The following GBF1 variants were observed in gnomAD, a reference collection of about 807,000 sequenced individuals.
GBF1 encodes the protein golgi brefeldin A resistant guanine nucleotide exchange factor 1.
Under a neutral mutation model 210.5 loss-of-function variants are expected in GBF1, and 114 were observed. The observed-to-expected ratio is 0.54, with a 90% CI of 0.47 to 0.63. The LOEUF is 0.63. GBF1 is among the 30% of genes least tolerant of loss of function. The pLI, the probability that GBF1 is intolerant of heterozygous loss-of-function variation, is 0.00. For missense variants in GBF1, 1,851 were observed against 2,357.7 expected (o/e 0.79, Z 4.45); for synonymous variants, 850 against 889.2 (o/e 0.96, Z 0.78).
Position 102,370,392 on chromosome 10 carries a change from C to A in GBF1, c.3420C>A (p.Val1140=). The A allele has an allele frequency of 6.2e-7, 1 of 1,604,406 alleles. No individual in the cohort carries two copies. Among genetic ancestry groups the A allele is most frequent in the South Asian group, 1.1e-5 (1 of 90,878 alleles). Residue 1140 remains valine (V), a synonymous_variant, in exon 28 of 40, where the codon GTC becomes GTA. Transcript: ENST00000369983. ...CTGCTGTTCCCCTTCAGGCTCTGGTCTCAGTGACACCAGATGAAGAGACAT... is the reference window on the plus strand; with the variant it reads ...CTGCTGTTCCCCTTCAGGCTCTGGTATCAGTGACACCAGATGAAGAGACAT... ...ESLQELMKAL[V]SVTPDEETYD... is the part of the protein sequence containing the mutation.
the GBF1 span, chr10:102,230,763 C>T: frequency 6.7e-7 from 1 of 1,496,876 alleles, no homozygotes; most frequent in South Asian, 1.3e-5. Context: ...CGGGGGGGCC[C>T]CCGCCCAGGC....
rs543445446 is a variant in GBF1 at position 102,295,845 on chromosome 10, C to T, written c.163+35729C>T. Among the ~76,000 whole-genome samples the T allele has an allele frequency of 5.9e-4, 89 of 152,132 alleles. 1 individual carries two copies. The highest frequency in any genetic ancestry group is 2.1e-3 in the African/African-American group (87 of 41,484). ...TAGCTATACTGATTAAGGGTTGTCACCAGAACCTTACTAGTATATTCCATT... is the reference window on the plus strand; with the variant it reads ...TAGCTATACTGATTAAGGGTTGTCATCAGAACCTTACTAGTATATTCCATT... On this transcript the variant is annotated intron_variant, in intron 3 of 39. Coordinates refer to ENST00000369983, the MANE Select transcript of GBF1 (RefSeq NM_001377137.1).
intron 3 of GBF1, among the ~76,000 whole-genome samples, chr10:102,311,942 G>A (rs908568420): frequency 6.6e-6 from 1 of 152,094 alleles, no homozygotes; most frequent in Non-Finnish European, 1.5e-5. Context: ...GCTTGAGTAG[G>A]CCCCACTTTT....
chr10:102,245,627 T>C lies in GBF1; in HGVS notation c.-165T>C, dbSNP rs2070734239. 1 of 152,234 alleles carries C rather than the reference T, an allele frequency of 6.6e-6. No individual in the cohort carries two copies. Among genetic ancestry groups the C allele is most frequent in the Non-Finnish European group, 1.5e-5 (1 of 68,088 alleles). The allele number at this position is 152,234 out of a possible 1,614,324, so 9.4% of individuals were successfully genotyped here. ...CGGACTGTGCAGTCCCACCCTGACT[T>C]CGGCCTCAATTTCCAGGAAACAGGC... On this transcript the variant is annotated 5_prime_UTR_variant, in exon 1 of 40. Transcript: ENST00000369983.
At chr10:102,287,496 A>T (rs1006695177) in intron 3 of GBF1, among the ~76,000 whole-genome samples, 1 of 151,748 alleles carries the variant, frequency 6.6e-6, no homozygotes, top group African/African-American at 2.4e-5. Flanking sequence ...TCTATTTCAC[A>T]CAATTTCTAA....
chr10:102,370,374 TC>T lies in GBF1; in HGVS notation c.3412-6del, dbSNP rs748895686. The T allele has an allele frequency of 1.3e-4, 202 of 1,594,552 alleles. 2 individuals carry two copies. The South Asian group carries it at 2.1e-3, about 17-fold the overall frequency. On this transcript the variant is annotated splice_polypyrimidine_tract_variant and intron_variant, in intron 27 of 39. Coordinates refer to ENST00000369983, the MANE Select transcript of GBF1 (RefSeq NM_001377137.1). Reference sequence around the variant, plus strand: ...TCCATGCCTACTTTCCTGCTGCTGTTCCCCTTCAGGCTCTGGTCTCAGTGAC... The same window carrying T: ...TCCATGCCTACTTTCCTGCTGCTGTTCCCTTCAGGCTCTGGTCTCAGTGAC...
At chr10:102,274,327 A>G (rs1288185660) in intron 3 of GBF1, among the ~76,000 whole-genome samples, 1 of 151,352 alleles carries the variant, frequency 6.6e-6, no homozygotes, top group Non-Finnish European at 1.5e-5. Context: ...TGTCTGTCCC[A>G]CCTCCACCCT....
the GBF1 span, chr10:102,231,042 C>A: frequency 1.9e-6 from 3 of 1,587,636 alleles, no homozygotes; most frequent in South Asian, 3.4e-5. Context: ...CTTTGCATAG[C>A]TCGGCCTGCT....
In GBF1 at chr10:102,263,869, G is replaced by C. The variant is rs1459207457; in HGVS notation, c.163+3753G>C. 5.3e-5 allele frequency among the ~76,000 whole-genome samples: 8 copies of C among 152,276 alleles called. No homozygotes were observed. In the South Asian group the frequency reaches 6.2e-4, roughly 12 times the overall value. On this transcript the variant is annotated intron_variant, in intron 3 of 39. Transcript: ENST00000369983. ...GCAAAGTTTGCATACTGTTACTTTG[G>C]ATAAAGCTTTAGCTTACCACCAGTG... is the stretch of plus-strand genomic sequence containing the variant.
Position 102,358,026 on chromosome 10 carries a change from A to G in GBF1, c.640-13A>G, listed in dbSNP as rs2134965245. On this transcript the variant is annotated splice_polypyrimidine_tract_variant and intron_variant, in intron 8 of 39. Transcript: ENST00000369983. Reference sequence around the variant, plus strand: ...GTTTGAATACCATTGCTAATGGGGTATGATATTTCCAGCTGAAAATGAGAG... The same window carrying G: ...GTTTGAATACCATTGCTAATGGGGTGTGATATTTCCAGCTGAAAATGAGAG... The G allele has an allele frequency of 3.2e-6, 5 of 1,559,336 alleles. No individual in the cohort carries two copies. The highest frequency in any genetic ancestry group is 2.2e-5 in the East Asian group (1 of 44,616).
At chr10:102,267,585 C>A (rs1381285866) in intron 3 of GBF1, among the ~76,000 whole-genome samples, 1 of 152,058 alleles carries the variant, frequency 6.6e-6, no homozygotes, top group East Asian at 1.9e-4. Flanking sequence ...TAAGTGCCTA[C>A]TTTTATTTTT....
chr10:102,260,347 A>T (rs2134022615), intron 3 of GBF1, among the ~76,000 whole-genome samples: 1 of 152,198 alleles, frequency 6.6e-6, no homozygotes, highest in South Asian at 2.1e-4. Context: ...TTTCATAGAG[A>T]CAGGGTCTTG....
In GBF1 at chr10:102,382,043, G is replaced by A. The variant is rs368238153; in HGVS notation, c.5303-13G>A. On this transcript the variant is annotated splice_polypyrimidine_tract_variant and intron_variant, in intron 39 of 39. Transcript: ENST00000369983. Reference sequence around the variant, plus strand: ...AAGGGAATCTGACTGTAACCACCTTGCTTTCCCTACAGACTTTGAGAAGCC... The same window carrying A: ...AAGGGAATCTGACTGTAACCACCTTACTTTCCCTACAGACTTTGAGAAGCC... 5 of 1,524,344 alleles carry A rather than the reference G, an allele frequency of 3.3e-6. No homozygotes were observed. In the African/African-American group the frequency reaches 4.2e-5, roughly 13 times the overall value. 94.4% of individuals were successfully genotyped at this position (1,524,344 alleles called of 1,614,324 possible).
chr10:102,264,730 A>G (rs560571535), intron 3 of GBF1, among the ~76,000 whole-genome samples: 6 of 152,344 alleles, frequency 3.9e-5, no homozygotes, highest in Admixed American at 3.9e-4. Context: ...CAGTTTGTTC[A>G]TTATTTAACC....
chr10:102,343,799 C>CA (rs56360033), intron 3 of GBF1, among the ~76,000 whole-genome samples: 11,851 of 124,206 alleles, frequency 0.095, 608 homozygotes, highest in Non-Finnish European at 0.13. Flanking sequence ...CTCTGTCTGA[C>CA]AAAAAAAAAA....
upstream of GBF1, among the ~76,000 whole-genome samples, chr10:102,244,228 T>C (rs2133826266): frequency 2.6e-5 from 4 of 152,364 alleles, no homozygotes; most frequent in South Asian, 8.3e-4. Flanking sequence ...TTGAGACTAC[T>C]TTCCTATGTG....
chr10:102,375,962 A>G (rs2060471936), intron 30 of GBF1, among the ~76,000 whole-genome samples: 2 of 151,856 alleles, frequency 1.3e-5, no homozygotes, highest in Admixed American at 6.5e-5. Flanking sequence ...AACTGGGAAA[A>G]CAGTCCTCAG....
upstream of GBF1, among the ~76,000 whole-genome samples, chr10:102,243,317 C>CT (rs1434542654): frequency 6.6e-6 from 1 of 152,164 alleles, no homozygotes; most frequent in Non-Finnish European, 1.5e-5. Context: ...GTGTTGTCTG[C>CT]TATGATAATA....
chr10:102,370,755 C>T lies in GBF1; in HGVS notation c.3555C>T (p.His1185=). Residue 1185 remains histidine (H), a synonymous_variant, in exon 29 of 40, where the codon CAC becomes CAT. Transcript: ENST00000369983. ...AGACTGTTCGAGACCATCTATACCA[C>T]CTCTGTGTTCAGGCACAAGATTTCT... The part of the protein sequence containing the change: ...VWQTVRDHLY[H]LCVQAQDFCF... The T allele has an allele frequency of 1.2e-6, 2 of 1,614,018 alleles. No homozygotes were observed. Among genetic ancestry groups the T allele is most frequent in the South Asian group, 1.1e-5 (1 of 91,080 alleles).
Sources: allele counts gnomAD v4.1 joint callset (sites outside exome capture counted in the v4.1 genomes callset), GRCh38; gene constraint gnomAD v4.1.1; transcripts MANE v1.5; gene names NCBI Gene and HGNC (gene_info 2026-07-23, HGNC 2026-07-21).